RPS6KC1: variants seen among roughly 807,000 people sequenced by gnomAD.
RPS6KC1 encodes the protein inactive ribosomal protein S6 kinase delta-1.
Under a neutral mutation model 103.8 loss-of-function variants are expected in RPS6KC1, and 54 were observed. The ratio of observed to expected loss-of-function variants is 0.52; its 90% confidence interval spans 0.42 to 0.65. The LOEUF is 0.65. RPS6KC1 is among the 30% of genes least tolerant of loss of function. The pLI is 0.00. For missense variants in RPS6KC1, 1,151 were observed against 1,253.8 expected, an observed-to-expected ratio of 0.92 and a Z score of 1.24; for synonymous variants, 439 against 438.7, an observed-to-expected ratio of 1.00 and a Z score of -0.01.
the RPS6KC1 span, among the ~76,000 whole-genome samples, chr1:213,750,542 T>C: frequency 6.6e-6 from 1 of 152,194 alleles, no homozygotes; most frequent in Non-Finnish European, 1.5e-5. Context: ...GATGGATATA[T>C]GAGCTGAGAA....
At chr1:213,150,517 T>C (rs945793211) in intron 6 of RPS6KC1, among the ~76,000 whole-genome samples, 99 of 150,408 alleles carry the variant, frequency 6.6e-4, no homozygotes, top group African/African-American at 1.9e-3. Flanking sequence ...TGATGACTCT[T>C]AACGAGCACG....
At chr1:213,416,144 G>A in the RPS6KC1 span, among the ~76,000 whole-genome samples, 4 of 152,154 alleles carry the variant, frequency 2.6e-5, no homozygotes, top group African/African-American at 7.2e-5. Flanking sequence ...GCATGCACCC[G>A]GCACTCTGCT....
chr1:213,751,964 A>T, the RPS6KC1 span, among the ~76,000 whole-genome samples: 24 of 152,202 alleles, frequency 1.6e-4, no homozygotes, highest in African/African-American at 4.6e-4. Context: ...GCTATGAGAG[A>T]TAGGGAACAT....
chr1:213,793,489 T>C, the RPS6KC1 span, among the ~76,000 whole-genome samples: 2 of 152,182 alleles, frequency 1.3e-5, no homozygotes, highest in Non-Finnish European at 1.5e-5. Flanking sequence ...ATAGCCAATG[T>C]AATCCCTTAA....
intron 4 of RPS6KC1, among the ~76,000 whole-genome samples, chr1:213,111,928 A>G (rs1206903343): frequency 6.6e-6 from 1 of 152,218 alleles, no homozygotes; most frequent in African/African-American, 2.4e-5. Context: ...GAATATTGTA[A>G]TAAAGTGTAG....
the RPS6KC1 span, among the ~76,000 whole-genome samples, chr1:213,522,555 C>T: frequency 6.6e-6 from 1 of 152,210 alleles, no homozygotes; most frequent in Non-Finnish European, 1.5e-5. Context: ...GCATCTTCTT[C>T]CAATAGAAGG....
the RPS6KC1 span, among the ~76,000 whole-genome samples, chr1:213,292,610 C>T: frequency 2.0e-5 from 3 of 152,090 alleles, no homozygotes; most frequent in Non-Finnish European, 2.9e-5. Flanking sequence ...AGGAGGAGAC[C>T]GTGCATCACA....
chr1:213,409,069 G>A, the RPS6KC1 span, among the ~76,000 whole-genome samples: 9 of 152,092 alleles, frequency 5.9e-5, no homozygotes, highest in Non-Finnish European at 8.8e-5. Context: ...GGTGGAAAGC[G>A]GAGGAGTGAT....
chr1:213,588,174 C>G, the RPS6KC1 span, among the ~76,000 whole-genome samples: 11 of 152,208 alleles, frequency 7.2e-5, no homozygotes, highest in South Asian at 2.3e-3. Flanking sequence ...CTCCCGGGCT[C>G]AAGTGATCCT....
At chr1:213,472,884 C>T in the RPS6KC1 span, among the ~76,000 whole-genome samples, 1 of 152,214 alleles carries the variant, frequency 6.6e-6, no homozygotes, top group African/African-American at 2.4e-5. Context: ...TGATGTGTGA[C>T]TCTAAAGTTT....
At chr1:213,473,022 T>G in the RPS6KC1 span, among the ~76,000 whole-genome samples, 1 of 152,354 alleles carries the variant, frequency 6.6e-6, no homozygotes, top group East Asian at 1.9e-4. Context: ...TGAACTGTGC[T>G]TTGGGAGATG....
chr1:213,856,486 T>C, the RPS6KC1 span, among the ~76,000 whole-genome samples: 4 of 127,882 alleles, frequency 3.1e-5, no homozygotes, highest in Non-Finnish European at 6.5e-5. Flanking sequence ...CCTTCCCTCC[T>C]TCCTTCCTTC....
the RPS6KC1 span, chr1:213,841,275 C>T: frequency 2.0e-5 from 3 of 152,134 alleles, no homozygotes; most frequent in East Asian, 1.9e-4. Flanking sequence ...TTCTTTCCTC[C>T]AACATGCCCC....
At chr1:213,521,939 T>A in the RPS6KC1 span, among the ~76,000 whole-genome samples, 1 of 152,226 alleles carries the variant, frequency 6.6e-6, no homozygotes. Context: ...CAAACACTTG[T>A]TAACATTGAT....
intron 4 of RPS6KC1, among the ~76,000 whole-genome samples, chr1:213,110,936 T>A (rs557328754): frequency 6.6e-6 from 1 of 151,782 alleles, no homozygotes; most frequent in East Asian, 1.9e-4. Flanking sequence ...ATTGACAATA[T>A]TTGGGGTGGA....
intron 2 of RPS6KC1, chr1:213,073,009 A>G (rs1411131721): frequency 5.8e-6 from 3 of 516,410 alleles, no homozygotes; most frequent in African/African-American, 2.1e-5. Context: ...TAGTTAGACA[A>G]TTGCATGGTT....
chr1:213,129,885 T>C lies in RPS6KC1; in HGVS notation c.831T>C (p.Val277=), dbSNP rs747741490. ...RKGVDLLLEG[V]QGESSPTRRE... is the part of the protein sequence containing the mutation. ...GAGTTGATTTACTCCTAGAAGGTGT[T>C]CAAGGTATGGTTTTATGTATATTAT... is the stretch of plus-strand genomic sequence containing the variant. The change falls in exon 6 of 15, where the codon GTT becomes GTC. Residue 277 remains valine, a synonymous_variant. Coordinates refer to ENST00000366960, the MANE Select transcript of RPS6KC1 (RefSeq NM_012424.6). 25 of 1,593,954 alleles carry C rather than the reference T, an allele frequency of 1.6e-5. No homozygotes were observed. In the East Asian group the frequency reaches 5.6e-4, roughly 36 times the overall value.
chr1:213,531,227 C>T, the RPS6KC1 span, among the ~76,000 whole-genome samples: 66 of 152,278 alleles, frequency 4.3e-4, no homozygotes, highest in African/African-American at 1.3e-3. Flanking sequence ...TGCCACTCCC[C>T]GCTGCAACTG....
chr1:213,382,204 C>A, the RPS6KC1 span, among the ~76,000 whole-genome samples: 1 of 152,302 alleles, frequency 6.6e-6, no homozygotes, highest in South Asian at 2.1e-4. Context: ...CCAACACTTA[C>A]AATATACACA....
Sources: allele counts gnomAD v4.1 joint callset (sites outside exome capture counted in the v4.1 genomes callset), GRCh38; gene constraint gnomAD v4.1.1; transcripts MANE v1.5; gene names NCBI Gene and HGNC (gene_info 2026-07-23, HGNC 2026-07-21).